The following CKAP5 variants were observed in gnomAD, a reference collection of about 807,000 sequenced individuals.
The protein encoded by CKAP5 is cytoskeleton associated protein 5.
In CKAP5, 27 loss-of-function variants were observed where a neutral mutation model predicts 232.8. That is an observed-to-expected ratio of 0.12 (90% CI 0.09 to 0.16). CKAP5 has a LOEUF of 0.16. Among genes scored for constraint, CKAP5 ranks in the 10% least tolerant of loss-of-function variants. The pLI, the probability that CKAP5 is intolerant of heterozygous loss-of-function variation, is 1.00. For missense variants in CKAP5, 1,838 were observed against 2,424.7 expected (o/e 0.76, Z 5.08); for synonymous variants, 785 against 841.1 (o/e 0.93, Z 1.16).
chr11:46,797,885 T>A lies in CKAP5; in HGVS notation c.1258A>T (p.Ile420Phe). Reference protein sequence around the residue: ...PTIKQQTSLFIARSFRHCTAS... With the variant: ...PTIKQQTSLFFARSFRHCTAS... ...GTGCAGTGGCGGAAACTTCTTGCAATAAAAAGAGATGTCTGCTGCTTGATG... is the reference window on the plus strand; with the variant it reads ...GTGCAGTGGCGGAAACTTCTTGCAAAAAAAAGAGATGTCTGCTGCTTGATG... Residue 420 changes from isoleucine to phenylalanine, a missense_variant, in exon 11 of 44, where the codon ATT (isoleucine) becomes TTT (phenylalanine). By Grantham distance (21) the Ile-to-Phe change is conservative. Around this residue, in one of 6 missense-constraint regions of CKAP5, gnomAD observed 767 missense variants for 954.6 expected, o/e 0.80. Transcript: ENST00000529230. 1 of 1,614,090 alleles carries A rather than the reference T, an allele frequency of 6.2e-7. No homozygotes were observed. The highest frequency in any genetic ancestry group is 8.5e-7 in the Non-Finnish European group (1 of 1,179,996).
rs566937578 is a variant in CKAP5, at chr11:46,802,253, G to C, written c.979-949C>G. On this transcript the variant is annotated intron_variant, in intron 8 of 43. Transcript: ENST00000529230. The stretch of plus-strand genomic sequence containing the variant: ...CCTATGCCACAACCCACAAAGCCCA[G>C]CACTTATCTAAACTCACGGGTAGTA... The C allele has an allele frequency of 2.6e-5, 4 of 152,304 alleles. No individual in the cohort carries two copies. In the East Asian group the frequency reaches 7.7e-4, roughly 29 times the overall value. The allele number at this position is 152,304 out of a possible 1,614,324, so 9.4% of individuals were successfully genotyped here.
chr11:46,754,694 A>C (rs766481261), intron 36 of CKAP5, among the ~76,000 whole-genome samples, 194 bp downstream of exon 36: 1 of 152,232 alleles, frequency 6.6e-6, no homozygotes, highest in Non-Finnish European at 1.5e-5. Context: ...GTTACTTTAT[A>C]TCCTAACAGT....
chr11:46,753,141 G>A, intron 37 of CKAP5, 169 bp downstream of exon 37: 4 of 524,210 alleles, frequency 7.6e-6, no homozygotes, highest in Non-Finnish European at 1.3e-5. Context: ...CACACTTAAA[G>A]TTTTAACTGA....
At chr11:46,837,107 T>C (rs1448796609) in intron 1 of CKAP5, among the ~76,000 whole-genome samples, 1 of 152,218 alleles carries the variant, frequency 6.6e-6, no homozygotes. Flanking sequence ...CTCTAGTTGA[T>C]AAAGTTTTTT....
At chr11:46,744,770 A>G (rs2065010357) in intron 42 of CKAP5, among the ~76,000 whole-genome samples, 193 bp from the exon 43 acceptor site, 2 of 152,196 alleles carry the variant, frequency 1.3e-5, no homozygotes. Flanking sequence ...TGAGAATGCA[A>G]AAAACTGATA....
intron 4 of CKAP5, among the ~76,000 whole-genome samples, chr11:46,812,649 T>G (rs1343461165): frequency 6.6e-6 from 1 of 152,072 alleles, no homozygotes; most frequent in African/African-American, 2.4e-5. Flanking sequence ...TTGTTTTTAC[T>G]TTTTTGGAGA....
At chr11:46,813,177 T>G (rs1479164684) in intron 4 of CKAP5, among the ~76,000 whole-genome samples, 2 of 152,172 alleles carry the variant, frequency 1.3e-5, no homozygotes, top group Non-Finnish European at 2.9e-5. Flanking sequence ...ACATAATCTC[T>G]AAGATTTTTT....
chr11:46,757,256 G>A (rs2065117334), intron 35 of CKAP5, among the ~76,000 whole-genome samples: 1 of 150,956 alleles, frequency 6.6e-6, no homozygotes, highest in Non-Finnish European at 1.5e-5. Flanking sequence ...ACTTTGGGAG[G>A]CCGAGGCAGG....
intron 8 of CKAP5, among the ~76,000 whole-genome samples, chr11:46,804,018 C>G (rs1435358068): frequency 6.6e-6 from 1 of 152,150 alleles, no homozygotes; most frequent in Non-Finnish European, 1.5e-5. Context: ...ATTTGGACAT[C>G]AGTATTTTTA....
chr11:46,835,692 G>A (rs1173649818), intron 1 of CKAP5, among the ~76,000 whole-genome samples: 1 of 152,138 alleles, frequency 6.6e-6, no homozygotes, highest in Non-Finnish European at 1.5e-5. Flanking sequence ...ATAAATGGGT[G>A]AAAAGAGACA....
chr11:46,749,517 T>C (rs2065047025), intron 42 of CKAP5, among the ~76,000 whole-genome samples: 1 of 146,310 alleles, frequency 6.8e-6, no homozygotes, highest in African/African-American at 2.5e-5. Context: ...ATGTAGGATA[T>C]AGCAGTTTGG....
At chr11:46,811,327 C>A in intron 4 of CKAP5, 149 bp from the exon 5 acceptor site, 1 of 618,866 alleles carries the variant, frequency 1.6e-6, no homozygotes. Context: ...AGAAAAGGAA[C>A]TCATAACTGC....
At chr11:46,756,745 G>T (rs1166581971) in intron 35 of CKAP5, among the ~76,000 whole-genome samples, 1 of 147,492 alleles carries the variant, frequency 6.8e-6, no homozygotes, top group East Asian at 2.1e-4. Context: ...TTGACTTTCT[G>T]GACCTTGAAT....
At position 46,797,026 on chromosome 11, in the gene CKAP5, A is replaced by T. The variant is rs1364699290; in HGVS notation, c.1339-86T>A. On this transcript the variant is annotated intron_variant, in intron 11 of 43. Coordinates refer to ENST00000529230, the MANE Select transcript of CKAP5 (RefSeq NM_001008938.4). The stretch of plus-strand genomic sequence containing the variant: ...TAATTCAGACTGATGGTTGCTAGAT[A>T]AAGAATTTGCTTTTTACAATTTACT... The T allele has an allele frequency of 2.0e-6, 3 of 1,469,304 alleles. No homozygotes were observed. The African/African-American group carries it at 4.2e-5, about 21-fold the overall frequency. 91.0% of individuals were successfully genotyped at this position (1,469,304 alleles called of 1,614,324 possible).
intron 1 of CKAP5, among the ~76,000 whole-genome samples, chr11:46,844,824 TAGAG>T (rs111234679): frequency 4.0e-5 from 6 of 148,386 alleles, no homozygotes; most frequent in Non-Finnish European, 7.5e-5. Context: ...GTATTTTTAG[TAGAG>T]AGAGAGAGAG....
intron 42 of CKAP5, 26 bp from the exon 43 acceptor site, chr11:46,744,603 A>G: frequency 6.2e-7 from 1 of 1,608,390 alleles, no homozygotes; most frequent in East Asian, 2.2e-5. Flanking sequence ...TAGAAAGAAT[A>G]TTCAGATATC....
intron 1 of CKAP5, among the ~76,000 whole-genome samples, chr11:46,824,277 A>C (rs1479206038): frequency 6.6e-6 from 1 of 152,226 alleles, no homozygotes; most frequent in Non-Finnish European, 1.5e-5. Context: ...GATTGCCATG[A>C]AACAGCAGCA....
Position 46,773,548 on chromosome 11 carries a change from CTT to C in CKAP5, c.2992-2568_2992-2567del, listed in dbSNP as rs906668092. On this transcript the variant is annotated intron_variant, in intron 24 of 43. Transcript: ENST00000529230. ...ACAGGCGTGAGCCACTGCAACTGGA[CTT>C]TTTTTTTTTTGAGATGGAATCTTGC... is the stretch of plus-strand genomic sequence containing the variant. Among the ~76,000 whole-genome samples the C allele has an allele frequency of 2.8e-5, 4 of 140,380 alleles. No individual in the cohort carries two copies. In the East Asian group the frequency reaches 6.3e-4, roughly 22 times the overall value. 92.1% of individuals were successfully genotyped at this position (140,380 alleles called of 152,430 possible).
rs759922433 is a variant in CKAP5 at position 46,744,593 on chromosome 11, T to C, written c.5705-16A>G. 4 of 1,611,572 alleles carry C rather than the reference T, an allele frequency of 2.5e-6. No individual in the cohort carries two copies. The highest frequency in any genetic ancestry group is 1.1e-5 in the South Asian group (1 of 90,958). On this transcript the variant is annotated splice_polypyrimidine_tract_variant and intron_variant, in intron 42 of 43. Transcript: ENST00000529230. ...GGGGAGATGCCTAGAGGGGAAAAAG[T>C]AGAAAGAATATTCAGATATCCACAT...
Sources: allele counts gnomAD v4.1 joint callset (sites outside exome capture counted in the v4.1 genomes callset), GRCh38; gene constraint gnomAD v4.1.1; regional missense constraint gnomAD v4.1.1; transcripts MANE v1.5; gene names NCBI Gene and HGNC (gene_info 2026-07-23, HGNC 2026-07-21).